Variants in DTNBP1 observed in about 807,000 individuals in gnomAD.
DTNBP1 encodes the protein dysbindin.
DTNBP1 carries 35 observed loss-of-function variants against 42.8 expected under a neutral mutation model. That is an observed-to-expected ratio of 0.82 (90% CI 0.63 to 1.09). The LOEUF (loss-of-function observed/expected upper bound fraction) is 1.09, where lower values mean the gene tolerates loss of function less well. DTNBP1 is among the 50% of genes least tolerant of loss of function. DTNBP1 has a pLI of 0.00. For synonymous variants in DTNBP1, 171 were observed against 162.2 expected, an observed-to-expected ratio of 1.05 and a Z score of -0.41; for missense variants, 457 against 424.2, an observed-to-expected ratio of 1.08 and a Z score of -0.68.
intron 6 of DTNBP1, among the ~76,000 whole-genome samples, chr6:15,597,347 A>G (rs1211747662): frequency 6.6e-6 from 1 of 152,186 alleles, no homozygotes; most frequent in East Asian, 1.9e-4. Context: ...CAAGGACAGT[A>G]TAACTGATGA....
intron 7 of DTNBP1, among the ~76,000 whole-genome samples, chr6:15,563,717 T>G (rs995051978): frequency 6.6e-6 from 1 of 152,090 alleles, no homozygotes; most frequent in Non-Finnish European, 1.5e-5. Flanking sequence ...CTGCACTCTT[T>G]GACTAATCAA....
intron 6 of DTNBP1, chr6:15,595,194 T>C (rs913973551): frequency 6.6e-6 from 3 of 455,910 alleles, no homozygotes; most frequent in Non-Finnish European, 1.3e-5. Flanking sequence ...AGATGACTGC[T>C]TGAAGTAGTG....
At position 15,523,584 on chromosome 6, in the gene DTNBP1, G is replaced by A. The variant is rs1005442490; in HGVS notation, c.812-365C>T. ...TTTCTTTTTTTTTTTTTTACCCTTT[G>A]CAGTAATTCAGAGACACCACTGCTG... On this transcript the variant is annotated intron_variant, in intron 9 of 9. Coordinates refer to ENST00000344537, the MANE Select transcript of DTNBP1 (RefSeq NM_032122.5). The A allele has an allele frequency of 4.8e-6, 6 of 1,252,394 alleles. No homozygotes were observed. The Admixed American group carries it at 1.1e-4, about 23-fold the overall frequency. The allele number at this position is 1,252,394 out of a possible 1,614,324, so 77.6% of individuals were successfully genotyped here.
Position 15,524,339 on chromosome 6 carries a change from C to T in DTNBP1, c.811+187G>A, listed in dbSNP as rs149956114. The T allele has an allele frequency of 9.3e-4, 1,492 of 1,612,324 alleles. 3 individuals carry two copies. Among genetic ancestry groups the T allele is most frequent in the Non-Finnish European group, 9.9e-4 (1,166 of 1,179,830 alleles). ...TCAAATCTTTGAGAAGAATTCATGA[C>T]GGAACCACACCACTGTTGCAGCTGC... On this transcript the variant is annotated intron_variant, in intron 9 of 9. Coordinates refer to ENST00000344537, the MANE Select transcript of DTNBP1 (RefSeq NM_032122.5).
At chr6:15,584,705 CTTTTTTTTTTTTTT>C (rs147548247) in intron 7 of DTNBP1, among the ~76,000 whole-genome samples, 1 of 86,432 alleles carries the variant, frequency 1.2e-5, no homozygotes, top group African/African-American at 4.0e-5. Flanking sequence ...ACATGTATTT[CTTTTTTTTTTTTTT>C]TTTTTTTTTC....
rs777790105 is a variant in DTNBP1, at chr6:15,637,759, A to G, written c.207T>C (p.Cys69=). 9 of 1,613,934 alleles carry G rather than the reference A, an allele frequency of 5.6e-6. No homozygotes were observed. Among genetic ancestry groups the G allele is most frequent in the Non-Finnish European group, 6.8e-6 (8 of 1,180,010 alleles). ...AATTCTTTACCTCTCCAGCACTTGC[A>G]CAGTCTTTGGCTCTTCTGTGAAGTG... The part of the protein sequence containing the change: ...WAALHRRAKD[C]ASAGELVDSE... The change falls in exon 4 of 10, where the codon TGT becomes TGC. Residue 69 remains cysteine (C), a synonymous_variant. Transcript: ENST00000344537.
intron 6 of DTNBP1, among the ~76,000 whole-genome samples, chr6:15,610,934 C>A (rs1758355217): frequency 6.6e-6 from 1 of 152,234 alleles, no homozygotes; most frequent in African/African-American, 2.4e-5. Context: ...GTAAAAGCTG[C>A]AGCAGCTTAT....
At chr6:15,525,764 G>C (rs987344260) in intron 8 of DTNBP1, among the ~76,000 whole-genome samples, 1 of 152,148 alleles carries the variant, frequency 6.6e-6, no homozygotes, top group Non-Finnish European at 1.5e-5. Context: ...ATACAAGAGA[G>C]CATAAAAGGT....
intron 6 of DTNBP1, among the ~76,000 whole-genome samples, chr6:15,604,697 A>G (rs1396238278): frequency 2.0e-5 from 3 of 152,194 alleles, no homozygotes; most frequent in Non-Finnish European, 4.4e-5. Flanking sequence ...TATCTGTTAT[A>G]CTTTGTTCTA....
At chr6:15,628,436 G>A (rs1201721127) in intron 4 of DTNBP1, among the ~76,000 whole-genome samples, 7 of 105,812 alleles carry the variant, frequency 6.6e-5, no homozygotes, top group Admixed American at 1.4e-4. Context: ...ACGAAGTTTC[G>A]CTCTTGTTGC....
At chr6:15,591,175 T>C (rs1776283483) in intron 7 of DTNBP1, among the ~76,000 whole-genome samples, 1 of 151,580 alleles carries the variant, frequency 6.6e-6, no homozygotes. Flanking sequence ...AGTGGCATAA[T>C]CTTGGCTCAC....
intron 7 of DTNBP1, among the ~76,000 whole-genome samples, chr6:15,554,813 T>C (rs1774417434): frequency 6.6e-6 from 1 of 151,998 alleles, no homozygotes; most frequent in Non-Finnish European, 1.5e-5. Context: ...TGTCAAAAGG[T>C]GAAGAAGACC....
At chr6:15,638,640 A>G (rs1326012948) in intron 3 of DTNBP1, among the ~76,000 whole-genome samples, 3 of 152,208 alleles carry the variant, frequency 2.0e-5, no homozygotes, top group Non-Finnish European at 4.4e-5. Flanking sequence ...TGGCAGACAC[A>G]TCCTTAATAA....
intron 7 of DTNBP1, among the ~76,000 whole-genome samples, chr6:15,591,110 C>CTT (rs1293474353): frequency 5.0e-5 from 7 of 140,062 alleles, no homozygotes; most frequent in South Asian, 4.5e-4. Flanking sequence ...TTATAGGGTA[C>CTT]TTTTTTTTTT....
At chr6:15,641,320 A>G (rs967245021) in intron 3 of DTNBP1, among the ~76,000 whole-genome samples, 13 of 152,174 alleles carry the variant, frequency 8.5e-5, no homozygotes, top group African/African-American at 2.9e-4. Context: ...GACAAATTCT[A>G]GACAGAAAAC....
intron 1 of DTNBP1, among the ~76,000 whole-genome samples, chr6:15,654,275 G>C (rs1761167146): frequency 6.6e-6 from 1 of 152,132 alleles, no homozygotes; most frequent in South Asian, 2.1e-4. Context: ...CCAAGATTAA[G>C]CAAAACCTAG....
intron 7 of DTNBP1, among the ~76,000 whole-genome samples, chr6:15,569,539 C>T (rs1775252430): frequency 6.6e-6 from 1 of 151,660 alleles, no homozygotes; most frequent in African/African-American, 2.4e-5. Context: ...CTCCCATCTC[C>T]TCTTTCAGCT....
intron 6 of DTNBP1, among the ~76,000 whole-genome samples, chr6:15,607,577 T>C (rs1171041103): frequency 2.0e-5 from 3 of 152,130 alleles, no homozygotes; most frequent in African/African-American, 4.8e-5. Flanking sequence ...CCTGGGATTA[T>C]AGGTGTGAGC....
At chr6:15,603,415 AT>A (rs1390047642) in intron 6 of DTNBP1, among the ~76,000 whole-genome samples, 1 of 152,150 alleles carries the variant, frequency 6.6e-6, no homozygotes, top group Non-Finnish European at 1.5e-5. Flanking sequence ...CCTTTTTTAT[AT>A]TTTCCATGTC....
Sources: gnomAD v4.1 joint callset for allele counts (sites outside exome capture counted in the v4.1 genomes callset) on GRCh38, gnomAD v4.1.1 for gene constraint, MANE v1.5 for transcripts, NCBI Gene and HGNC (gene_info 2026-07-23, HGNC 2026-07-21) for gene names.